The following TMEM232 variants were observed in gnomAD, a reference collection of about 807,000 sequenced individuals.
The protein encoded by TMEM232 is transmembrane protein 232.
In TMEM232, 80 loss-of-function variants were observed where a neutral mutation model predicts 78.8. The observed-to-expected ratio is 1.01, with a 90% CI of 0.85 to 1.22. TMEM232 has a LOEUF of 1.22. Among genes scored for constraint, TMEM232 ranks in the 50% most tolerant of loss-of-function variants. The probability of loss-of-function intolerance (pLI) is 0.00; values close to 1 mark genes in which losing one functional copy is unlikely to be tolerated. For missense variants in TMEM232, 881 were observed against 742.2 expected (o/e 1.19, Z -2.17); for synonymous variants, 297 against 254.3 (o/e 1.17, Z -1.60).
At chr5:110,563,115 A>T (rs1042105113) in intron 11 of TMEM232, among the ~76,000 whole-genome samples, 1 of 151,982 alleles carries the variant, frequency 6.6e-6, no homozygotes, top group Non-Finnish European at 1.5e-5. Flanking sequence ...TTCATTTAAT[A>T]TTTAAAATAA....
intron 12 of TMEM232, among the ~76,000 whole-genome samples, chr5:110,454,317 T>C (rs770957175): frequency 1.3e-5 from 2 of 151,818 alleles, no homozygotes; most frequent in Non-Finnish European, 2.9e-5. Flanking sequence ...TATAAGACCA[T>C]AAAAAAATAT....
At chr5:110,668,106 T>G (rs1790845486) in intron 1 of TMEM232, among the ~76,000 whole-genome samples, 1 of 152,148 alleles carries the variant, frequency 6.6e-6, no homozygotes, top group South Asian at 2.1e-4. Context: ...ATCATTAGAT[T>G]AGTCAAAGTT....
intron 10 of TMEM232, among the ~76,000 whole-genome samples, chr5:110,597,219 T>C (rs543831555): frequency 9.5e-4 from 145 of 152,144 alleles, no homozygotes; most frequent in African/African-American, 3.4e-3. Context: ...TATACACCAA[T>C]AACAGATGAA....
chr5:110,513,835 G>C (rs1768163143), intron 12 of TMEM232: 1 of 167,996 alleles, frequency 6.0e-6, no homozygotes, highest in Non-Finnish European at 1.5e-5. Flanking sequence ...AATTGTATTA[G>C]GTTGGTGCAA....
intron 11 of TMEM232, among the ~76,000 whole-genome samples, chr5:110,530,986 C>T (rs938282800): frequency 7.9e-5 from 12 of 152,128 alleles, no homozygotes; most frequent in South Asian, 4.1e-4. Flanking sequence ...GTGACCTGCC[C>T]GTACACATCC....
intron 1 of TMEM232, among the ~76,000 whole-genome samples, chr5:110,702,953 C>T (rs947067686): frequency 1.2e-4 from 19 of 152,026 alleles, no homozygotes; most frequent in Admixed American, 3.3e-4. Context: ...TTAAACTACT[C>T]TGGACAATCT....
chr5:110,410,021 T>C (rs1755931728), intron 2 of TMEM232, among the ~76,000 whole-genome samples: 1 of 152,196 alleles, frequency 6.6e-6, no homozygotes, highest in African/African-American at 2.4e-5. Flanking sequence ...GGAGTGTCTA[T>C]TTATAGGAAT....
chr5:110,723,031 T>A (rs907227214), intron 1 of TMEM232, among the ~76,000 whole-genome samples: 8 of 152,170 alleles, frequency 5.3e-5, no homozygotes, highest in Non-Finnish European at 1.2e-4. Flanking sequence ...AAAGAATGAG[T>A]TAGGAAGTAT....
At chr5:110,734,089 A>G (rs559416068) in intron 2 of TMEM232, among the ~76,000 whole-genome samples, 20 of 152,354 alleles carry the variant, frequency 1.3e-4, no homozygotes, top group African/African-American at 4.3e-4. Flanking sequence ...ATAAAATTCA[A>G]TTAAAATTCT....
intron 12 of TMEM232, among the ~76,000 whole-genome samples, chr5:110,454,596 C>T (rs1760691942): frequency 7.1e-6 from 1 of 140,748 alleles, no homozygotes; most frequent in South Asian, 2.1e-4. Context: ...GAGGAAATCA[C>T]AGGAAATCAC....
chr5:110,662,727 T>G (rs1365929103), intron 2 of TMEM232, among the ~76,000 whole-genome samples: 3 of 152,008 alleles, frequency 2.0e-5, no homozygotes, highest in African/African-American at 7.2e-5. Flanking sequence ...ACTACAGAAA[T>G]AGTAGAGAAA....
chr5:110,505,246 T>A (rs1451908912), intron 12 of TMEM232, among the ~76,000 whole-genome samples: 2 of 152,174 alleles, frequency 1.3e-5, no homozygotes, highest in Admixed American at 6.5e-5. Flanking sequence ...AGGGCTCCTA[T>A]GGCTCTTCCG....
chr5:110,464,896 A>G (rs1422265809), intron 12 of TMEM232, among the ~76,000 whole-genome samples: 1 of 152,216 alleles, frequency 6.6e-6, no homozygotes, highest in Non-Finnish European at 1.5e-5. Flanking sequence ...ACTAAACTGC[A>G]TACATTTCTA....
chr5:110,651,445 G>T (rs1788284913), intron 2 of TMEM232, among the ~76,000 whole-genome samples: 1 of 149,278 alleles, frequency 6.7e-6, no homozygotes, highest in African/African-American at 2.5e-5. Context: ...GGAAGGGGAG[G>T]AAAAGGGAAA....
At chr5:110,426,368 A>AGGG (rs1324865323) in intron 12 of TMEM232, among the ~76,000 whole-genome samples, 1 of 152,060 alleles carries the variant, frequency 6.6e-6, no homozygotes, top group East Asian at 1.9e-4. Context: ...CTCAGTGCCC[A>AGGG]ACACAGTGCC....
intron 5 of TMEM232, among the ~76,000 whole-genome samples, chr5:110,632,506 G>A (rs1785259018): frequency 6.6e-6 from 1 of 151,702 alleles, no homozygotes; most frequent in Non-Finnish European, 1.5e-5. Context: ...CAAAAAGTCA[G>A]AAAAAAACAA....
At chr5:110,644,943 A>G (rs1787274194) in intron 2 of TMEM232, among the ~76,000 whole-genome samples, 1 of 151,622 alleles carries the variant, frequency 6.6e-6, no homozygotes, top group African/African-American at 2.4e-5. Flanking sequence ...ATAAGAAACT[A>G]TTATGACCAA....
chr5:110,706,355 C>T (rs1004113701), intron 1 of TMEM232, among the ~76,000 whole-genome samples: 3 of 152,080 alleles, frequency 2.0e-5, no homozygotes, highest in Non-Finnish European at 4.4e-5. Context: ...TATGTTGTTT[C>T]TTTTCTATTG....
intron 12 of TMEM232, chr5:110,430,237 T>C (rs768763921): frequency 6.6e-5 from 10 of 151,754 alleles, no homozygotes; most frequent in Non-Finnish European, 1.5e-4. Flanking sequence ...TAACTTTCTC[T>C]AAGAGCTTAT....
Sources: allele counts gnomAD v4.1 joint callset (sites outside exome capture counted in the v4.1 genomes callset), GRCh38; gene constraint gnomAD v4.1.1; transcripts MANE v1.5; gene names NCBI Gene and HGNC (gene_info 2026-07-23, HGNC 2026-07-21).